The following TYW1B variants were observed in gnomAD, a reference collection of about 807,000 sequenced individuals.
TYW1B encodes the protein S-adenosyl-L-methionine-dependent tRNA 4-demethylwyosine synthase TYW1B.
In TYW1B, 73 loss-of-function variants were observed where a neutral mutation model predicts 86.9. That is an observed-to-expected ratio of 0.84 (90% CI 0.70 to 1.02). TYW1B has a LOEUF of 1.02. Ranked by LOEUF, TYW1B falls within the 50% of genes least tolerant of loss-of-function variation. The pLI is 0.00. For synonymous variants in TYW1B, 248 were observed against 292.8 expected (o/e 0.85, Z 1.56); for missense variants, 637 against 827.4 (o/e 0.77, Z 2.82).
chr7:72,773,533 T>C (rs565967526), intron 7 of TYW1B, among the ~76,000 whole-genome samples: 2 of 152,124 alleles, frequency 1.3e-5, no homozygotes, highest in Admixed American at 1.3e-4. Flanking sequence ...GTTTGGAAAA[T>C]GCAACAGAGC....
At chr7:72,607,415 G>GAA (rs1811827450) in intron 13 of TYW1B, among the ~76,000 whole-genome samples, 2 of 122,304 alleles carry the variant, frequency 1.6e-5, no homozygotes, top group Non-Finnish European at 3.5e-5. Context: ...AAAAAGAAAA[G>GAA]AAGAAGAAAG....
chr7:72,759,062 A>G (rs1293717890), intron 7 of TYW1B, among the ~76,000 whole-genome samples: 1 of 152,174 alleles, frequency 6.6e-6, no homozygotes, highest in Non-Finnish European at 1.5e-5. Flanking sequence ...CAGGTGCGGT[A>G]GCTTATGCCT....
chr7:72,662,290 C>G (rs76393141), intron 11 of TYW1B, among the ~76,000 whole-genome samples: 1 of 152,176 alleles, frequency 6.6e-6, no homozygotes, highest in Non-Finnish European at 1.5e-5. Context: ...CAACAGATAA[C>G]AGTGAACAAA....
At chr7:72,718,556 G>A (rs1786834247) in intron 9 of TYW1B, among the ~76,000 whole-genome samples, 1 of 151,850 alleles carries the variant, frequency 6.6e-6, no homozygotes, top group African/African-American at 2.4e-5. Flanking sequence ...AAGCATGACA[G>A]GTGATGTCTT....
chr7:72,576,509 C>CTTTTTT (rs11334473), intron 13 of TYW1B, among the ~76,000 whole-genome samples: 3 of 120,088 alleles, frequency 2.5e-5, no homozygotes, highest in Non-Finnish European at 5.0e-5. Flanking sequence ...ATGCCACTGT[C>CTTTTTT]TTTTTTTTTT....
intron 11 of TYW1B, among the ~76,000 whole-genome samples, chr7:72,650,730 T>A (rs1813037544): frequency 6.6e-6 from 1 of 152,036 alleles, no homozygotes; most frequent in East Asian, 1.9e-4. Context: ...TAACACCTAC[T>A]CAAGATGAGC....
intron 13 of TYW1B, among the ~76,000 whole-genome samples, chr7:72,602,577 A>ATACAGATG (rs1219408565): frequency 6.6e-6 from 1 of 152,148 alleles, no homozygotes; most frequent in African/African-American, 2.4e-5. Flanking sequence ...GAGGCAGAAA[A>ATACAGATG]TACAGATGCT....
At chr7:72,826,486 C>T (rs1318016270) in intron 2 of TYW1B, among the ~76,000 whole-genome samples, 2 of 152,128 alleles carry the variant, frequency 1.3e-5, no homozygotes, top group African/African-American at 4.8e-5. Context: ...ACTTTACATA[C>T]TTTTATCCTA....
chr7:72,735,258 A>G (rs1282331486), intron 8 of TYW1B, among the ~76,000 whole-genome samples: 4 of 152,130 alleles, frequency 2.6e-5, no homozygotes, highest in Non-Finnish European at 4.4e-5. Context: ...TTCACAATGG[A>G]ATATTATTTA....
At chr7:72,776,213 G>A (rs1732822866) in intron 7 of TYW1B, among the ~76,000 whole-genome samples, 1 of 152,034 alleles carries the variant, frequency 6.6e-6, no homozygotes, top group African/African-American at 2.4e-5. Flanking sequence ...AAGAAATAAT[G>A]GAAGTATAGT....
chr7:72,734,768 C>A (rs1360788024), intron 8 of TYW1B, among the ~76,000 whole-genome samples: 2 of 152,018 alleles, frequency 1.3e-5, no homozygotes, highest in Non-Finnish European at 2.9e-5. Flanking sequence ...AGCAAAAAAA[C>A]CCACAAATAA....
chr7:72,791,610 T>C (rs1176129133), intron 6 of TYW1B, among the ~76,000 whole-genome samples: 3 of 151,992 alleles, frequency 2.0e-5, no homozygotes, highest in Non-Finnish European at 4.4e-5. Context: ...ACCTCGTCTC[T>C]ACTAAAAACA....
intron 11 of TYW1B, among the ~76,000 whole-genome samples, chr7:72,662,006 C>T (rs1317204702): frequency 2.6e-5 from 4 of 152,076 alleles, no homozygotes; most frequent in African/African-American, 9.7e-5. Context: ...TCCTACCAAA[C>T]CCAAAAAATG....
chr7:72,576,323 C>T (rs1447044043), intron 13 of TYW1B, among the ~76,000 whole-genome samples: 1 of 152,124 alleles, frequency 6.6e-6, no homozygotes, highest in African/African-American at 2.4e-5. Flanking sequence ...TCTCAAAAGT[C>T]ACGGTAGAAT....
At chr7:72,818,762 G>C (rs1554479898) in intron 2 of TYW1B, among the ~76,000 whole-genome samples, 1 of 151,998 alleles carries the variant, frequency 6.6e-6, no homozygotes, top group African/African-American at 2.4e-5. Flanking sequence ...GCAGGCACAT[G>C]ACATGGCAGG....
At chr7:72,751,820 T>C (rs1448467375) in intron 7 of TYW1B, among the ~76,000 whole-genome samples, 1 of 152,242 alleles carries the variant, frequency 6.6e-6, no homozygotes, top group Non-Finnish European at 1.5e-5. Flanking sequence ...CCTACTTCTA[T>C]GTGCTATGGT....
chr7:72,821,326 C>T (rs1554480436), intron 2 of TYW1B, among the ~76,000 whole-genome samples: 1 of 152,188 alleles, frequency 6.6e-6, no homozygotes, highest in Non-Finnish European at 1.5e-5. Context: ...TACAACCTTG[C>T]ACAAAAACCA....
chr7:72,708,043 C>T (rs1814654578), intron 10 of TYW1B, among the ~76,000 whole-genome samples: 1 of 152,194 alleles, frequency 6.6e-6, no homozygotes, highest in African/African-American at 2.4e-5. Flanking sequence ...CGTGCTTCCT[C>T]TACAACCTGC....
chr7:72,716,406 G>A (rs1786784094), intron 9 of TYW1B, among the ~76,000 whole-genome samples: 1 of 152,234 alleles, frequency 6.6e-6, no homozygotes, highest in South Asian at 2.1e-4. Flanking sequence ...CCTAGTTTAT[G>A]AAACTGATTC....
Sources: allele counts gnomAD v4.1 joint callset (sites outside exome capture counted in the v4.1 genomes callset), GRCh38; gene constraint gnomAD v4.1.1; transcripts MANE v1.5; gene names NCBI Gene and HGNC (gene_info 2026-07-23, HGNC 2026-07-21).